CHRNA7: variants seen among roughly 807,000 people sequenced by gnomAD.
The protein encoded by CHRNA7 is cholinergic receptor nicotinic alpha 7 subunit.
In CHRNA7, 17 loss-of-function variants were observed where a neutral mutation model predicts 48.0. That is an observed-to-expected ratio of 0.35 (90% CI 0.24 to 0.53). CHRNA7 has a LOEUF of 0.53. Ranked by LOEUF, CHRNA7 falls within the 20% of genes least tolerant of loss-of-function variation. The pLI is 0.92. For missense variants in CHRNA7, 155 were observed against 577.7 expected, an observed-to-expected ratio of 0.27 and a Z score of 7.50; for synonymous variants, 75 against 242.3, an observed-to-expected ratio of 0.31 and a Z score of 6.41.
chr15:32,127,125 G>A (rs1162077178), intron 4 of CHRNA7, among the ~76,000 whole-genome samples: 2 of 152,154 alleles, frequency 1.3e-5, no homozygotes, highest in African/African-American at 4.8e-5. Context: ...AATATTTTAT[G>A]TGTAGACTAA....
chr15:32,104,237 A>C (rs2050622615), intron 3 of CHRNA7, among the ~76,000 whole-genome samples: 1 of 149,828 alleles, frequency 6.7e-6, no homozygotes, highest in Non-Finnish European at 1.5e-5. Flanking sequence ...CTCACTGTCC[A>C]CTTGTTGGGT....
chr15:32,071,201 T>C (rs2050052702), intron 2 of CHRNA7, among the ~76,000 whole-genome samples: 1 of 152,186 alleles, frequency 6.6e-6, no homozygotes, highest in Admixed American at 6.5e-5. Context: ...AATCTTCAAA[T>C]CTGGTGGGAT....
At chr15:32,034,243 A>G (rs747247362) in intron 2 of CHRNA7, among the ~76,000 whole-genome samples, 16 of 152,210 alleles carry the variant, frequency 1.1e-4, no homozygotes, top group Non-Finnish European at 1.9e-4. Flanking sequence ...TTCCAGGTTG[A>G]GGAAAGACTG....
chr15:32,043,023 A>G (rs747518291), intron 2 of CHRNA7, among the ~76,000 whole-genome samples: 12 of 152,194 alleles, frequency 7.9e-5, no homozygotes, highest in Non-Finnish European at 1.6e-4. Flanking sequence ...TCTTTTCTTT[A>G]TGTTTATAGA....
At chr15:32,065,344 T>G (rs747780007) in intron 2 of CHRNA7, among the ~76,000 whole-genome samples, 27 of 152,200 alleles carry the variant, frequency 1.8e-4, no homozygotes, top group Non-Finnish European at 3.8e-4. Flanking sequence ...ATTGTCAGTA[T>G]TTGGTCTGTC....
At chr15:32,050,819 T>G (rs535890664) in intron 2 of CHRNA7, among the ~76,000 whole-genome samples, 16 of 152,134 alleles carry the variant, frequency 1.1e-4, no homozygotes, top group African/African-American at 3.9e-4. Context: ...CACAGATGGG[T>G]TTTTGGTGTG....
chr15:32,104,016 C>T (rs890381567), intron 3 of CHRNA7, among the ~76,000 whole-genome samples: 1 of 152,166 alleles, frequency 6.6e-6, no homozygotes, highest in Non-Finnish European at 1.5e-5. Context: ...CCCCATCCAG[C>T]CTTCCTGCTT....
chr15:32,137,552 AG>A (rs1258343680), intron 4 of CHRNA7, among the ~76,000 whole-genome samples: 1 of 152,232 alleles, frequency 6.6e-6, no homozygotes, highest in Non-Finnish European at 1.5e-5. Context: ...AGTAATTGAT[AG>A]TGTAACAAGG....
At chr15:32,147,097 G>A (rs1909884) in intron 4 of CHRNA7, among the ~76,000 whole-genome samples, 62,069 of 152,104 alleles carry the variant, frequency 0.41, 13,000 homozygotes, top group African/African-American at 0.52. Context: ...GCTGTAATCC[G>A]TCCTATGCCA....
chr15:32,055,825 A>G (rs1246597455), intron 2 of CHRNA7, among the ~76,000 whole-genome samples: 1 of 152,034 alleles, frequency 6.6e-6, no homozygotes, highest in Non-Finnish European at 1.5e-5. Flanking sequence ...TAAAAATACA[A>G]AAAATTAGCC....
intron 4 of CHRNA7, among the ~76,000 whole-genome samples, chr15:32,129,917 A>C (rs1322062936): frequency 6.6e-6 from 1 of 151,896 alleles, no homozygotes; most frequent in Non-Finnish European, 1.5e-5. Context: ...TATTCAGTTC[A>C]GTGTATTTTT....
At chr15:32,121,542 C>T (rs2050970677) in intron 4 of CHRNA7, among the ~76,000 whole-genome samples, 1 of 152,192 alleles carries the variant, frequency 6.6e-6, no homozygotes, top group African/African-American at 2.4e-5. Flanking sequence ...GCACAAAGTG[C>T]ATCTTGCAGA....
chr15:32,058,670 T>A (rs924315690), intron 2 of CHRNA7, among the ~76,000 whole-genome samples: 1 of 152,192 alleles, frequency 6.6e-6, no homozygotes, highest in Admixed American at 6.5e-5. Context: ...GAAATGCCAC[T>A]CTTTTGGAGG....
At chr15:32,116,680 G>A (rs988845599) in intron 4 of CHRNA7, among the ~76,000 whole-genome samples, 9 of 152,184 alleles carry the variant, frequency 5.9e-5, no homozygotes, top group African/African-American at 1.2e-4. Context: ...GCAACTCTGC[G>A]GATGCCCCTA....
chr15:32,061,643 A>G (rs910424704), intron 2 of CHRNA7, among the ~76,000 whole-genome samples: 2 of 152,140 alleles, frequency 1.3e-5, no homozygotes, highest in Non-Finnish European at 2.9e-5. Context: ...CCCCATCTCT[A>G]CTAAAAATAT....
chr15:32,151,039 C>T (rs1423736831), intron 4 of CHRNA7, among the ~76,000 whole-genome samples: 2 of 151,982 alleles, frequency 1.3e-5, no homozygotes, highest in East Asian at 3.9e-4. Context: ...CCCTTATCCC[C>T]CTTTCTTCCT....
At chr15:32,112,379 G>A in intron 4 of CHRNA7, 1 of 456,986 alleles carries the variant, frequency 2.2e-6, no homozygotes, top group East Asian at 6.9e-5. Context: ...CGTGAGGACT[G>A]TCATCTCTAG....
At chr15:32,121,647 G>A (rs932694218) in intron 4 of CHRNA7, among the ~76,000 whole-genome samples, 7 of 152,348 alleles carry the variant, frequency 4.6e-5, no homozygotes, top group Non-Finnish European at 7.3e-5. Flanking sequence ...ACTGTTCACG[G>A]CAGGGTGGCC....
At chr15:32,110,934 A>C (rs892791960) in intron 3 of CHRNA7, among the ~76,000 whole-genome samples, 1 of 152,136 alleles carries the variant, frequency 6.6e-6, no homozygotes, top group Non-Finnish European at 1.5e-5. Context: ...GGGACAGAAT[A>C]CAGGATAATG....
Sources: allele counts gnomAD v4.1 joint callset (sites outside exome capture counted in the v4.1 genomes callset), GRCh38; gene constraint gnomAD v4.1.1; transcripts MANE v1.5; gene names NCBI Gene and HGNC (gene_info 2026-07-23, HGNC 2026-07-21).